PPARGC1A: variants seen among roughly 807,000 people sequenced by gnomAD.
PPARGC1A encodes peroxisome proliferator-activated receptor gamma coactivator 1-alpha.
In PPARGC1A, 25 loss-of-function variants were observed where a neutral mutation model predicts 88.7. The ratio of observed to expected loss-of-function variants is 0.28; its 90% confidence interval spans 0.21 to 0.39. The LOEUF (loss-of-function observed/expected upper bound fraction) is 0.39, where lower values mean the gene tolerates loss of function less well. PPARGC1A is among the 10% of genes least tolerant of loss of function. PPARGC1A has a pLI of 1.00. For missense variants in PPARGC1A, 880 were observed against 968.7 expected (o/e 0.91, Z 1.22); for synonymous variants, 363 against 355.6 (o/e 1.02, Z -0.24).
At chr4:24,160,949 A>C in the PPARGC1A span, among the ~76,000 whole-genome samples, 16 of 152,164 alleles carry the variant, frequency 1.1e-4, no homozygotes, top group Non-Finnish European at 1.9e-4. Flanking sequence ...AGATCCTGGA[A>C]AGATAAAATC....
the PPARGC1A span, among the ~76,000 whole-genome samples, chr4:24,348,483 GGA>G: frequency 6.6e-6 from 1 of 152,052 alleles, no homozygotes; most frequent in Non-Finnish European, 1.5e-5. Flanking sequence ...CAGACTTCTT[GGA>G]GGCTTTGTTC....
the PPARGC1A span, among the ~76,000 whole-genome samples, chr4:24,266,410 G>A: frequency 1.3e-4 from 20 of 152,270 alleles, no homozygotes; most frequent in South Asian, 4.1e-3. Flanking sequence ...GGATCTTGGG[G>A]TCATGGGTTT....
the PPARGC1A span, among the ~76,000 whole-genome samples, chr4:24,135,843 G>A: frequency 6.6e-6 from 1 of 152,142 alleles, no homozygotes; most frequent in Non-Finnish European, 1.5e-5. Context: ...ACTCTGGGGG[G>A]GTCAATATGT....
chr4:24,244,893 T>C, the PPARGC1A span, among the ~76,000 whole-genome samples: 2 of 152,138 alleles, frequency 1.3e-5, no homozygotes, highest in Non-Finnish European at 2.9e-5. Context: ...ACCTTCTATA[T>C]TGAAAAGGGG....
the PPARGC1A span, among the ~76,000 whole-genome samples, chr4:24,325,748 G>A: frequency 6.6e-6 from 1 of 152,216 alleles, no homozygotes; most frequent in African/African-American, 2.4e-5. Flanking sequence ...CTCTCACAGT[G>A]GAAGGTAAGT....
At chr4:24,348,817 G>C in the PPARGC1A span, among the ~76,000 whole-genome samples, 1 of 152,120 alleles carries the variant, frequency 6.6e-6, no homozygotes, top group Non-Finnish European at 1.5e-5. Flanking sequence ...GGAAATCAGG[G>C]ATTTCTTCTT....
chr4:24,055,420 G>A, the PPARGC1A span, among the ~76,000 whole-genome samples: 88 of 152,266 alleles, frequency 5.8e-4, no homozygotes, highest in African/African-American at 1.6e-3. Context: ...CTCATTTCCA[G>A]GGTGCAAGTA....
the PPARGC1A span, among the ~76,000 whole-genome samples, chr4:24,047,165 C>T: frequency 2.0e-5 from 3 of 152,204 alleles, no homozygotes; most frequent in African/African-American, 4.8e-5. Flanking sequence ...TCAATCGTTC[C>T]TCCTGGACTT....
At chr4:24,238,743 ATATGTGTG>A in the PPARGC1A span, among the ~76,000 whole-genome samples, 1,079 of 118,616 alleles carry the variant, frequency 9.1e-3, 8 homozygotes, top group East Asian at 0.016. Flanking sequence ...CCAAGGTTGT[ATATGTGTG>A]TGTGTGTGTG....
chr4:24,068,589 G>T, the PPARGC1A span, among the ~76,000 whole-genome samples: 1 of 152,192 alleles, frequency 6.6e-6, no homozygotes. Context: ...CACATTCAGG[G>T]TTTGTGTGTG....
the PPARGC1A span, among the ~76,000 whole-genome samples, chr4:24,079,637 C>A: frequency 6.6e-6 from 1 of 151,806 alleles, no homozygotes; most frequent in African/African-American, 2.4e-5. Flanking sequence ...ACTCTTTTTT[C>A]ATTTATGCTT....
the PPARGC1A span, among the ~76,000 whole-genome samples, chr4:24,110,302 C>T: frequency 6.6e-6 from 1 of 152,160 alleles, no homozygotes; most frequent in African/African-American, 2.4e-5. Flanking sequence ...GCTCAATAAG[C>T]TATGCTTCAC....
chr4:23,920,058 G>A, the PPARGC1A span, among the ~76,000 whole-genome samples: 6 of 152,212 alleles, frequency 3.9e-5, no homozygotes, highest in Admixed American at 1.3e-4. Flanking sequence ...TGAGGTCCAC[G>A]TAGGAGCAAA....
chr4:23,980,402 A>G, the PPARGC1A span, among the ~76,000 whole-genome samples: 1 of 152,078 alleles, frequency 6.6e-6, no homozygotes. Context: ...TTCCCCTAGA[A>G]GGAGCTCACT....
chr4:24,303,135 A>C, the PPARGC1A span, among the ~76,000 whole-genome samples: 1 of 152,262 alleles, frequency 6.6e-6, no homozygotes, highest in Non-Finnish European at 1.5e-5. Context: ...AATGTCAGCT[A>C]AACACGAACA....
chr4:23,828,428 G>T lies in PPARGC1A; in HGVS notation c.729C>A (p.His243Gln), dbSNP rs760705000. 2.1e-5 allele frequency: 34 copies of T among 1,613,876 alleles called. No homozygotes were observed. The highest frequency in any genetic ancestry group is 1.6e-4 in the Middle Eastern group (1 of 6,082). ...RDKCTSKKKS[H>Q]TQSQSQHLQA... is the part of the protein sequence containing the mutation. ...GTAAGTGTTGTGACTGCGACTGTGT[G>T]TGGGACTTCTTTTTGGAGGTGCATT... The change falls in exon 5 of 13, where the codon CAC becomes CAA. Residue 243 changes from histidine (H) to glutamine (Q), a missense_variant. His to Gln is a conservative substitution (Grantham distance 24). Coordinates refer to ENST00000264867, the MANE Select transcript of PPARGC1A (RefSeq NM_013261.5).
chr4:24,105,956 A>G, the PPARGC1A span, among the ~76,000 whole-genome samples: 21 of 152,298 alleles, frequency 1.4e-4, no homozygotes, highest in African/African-American at 5.1e-4. Flanking sequence ...CAATAAAGGA[A>G]TGTGCTCACA....
chr4:24,354,361 T>C, the PPARGC1A span, among the ~76,000 whole-genome samples: 1 of 152,150 alleles, frequency 6.6e-6, no homozygotes, highest in South Asian at 2.1e-4. Flanking sequence ...GATCAGAACC[T>C]AGACAAATTT....
At chr4:24,157,094 G>A in the PPARGC1A span, among the ~76,000 whole-genome samples, 1 of 152,068 alleles carries the variant, frequency 6.6e-6, no homozygotes, top group Non-Finnish European at 1.5e-5. Context: ...AAAATCTCTG[G>A]GTTCAAATCC....
Sources: gnomAD v4.1 joint callset for allele counts (sites outside exome capture counted in the v4.1 genomes callset) on GRCh38, gnomAD v4.1.1 for gene constraint, MANE v1.5 for transcripts, NCBI Gene and HGNC (gene_info 2026-07-23, HGNC 2026-07-21) for gene names.